Variants in MAGI3 observed in about 807,000 individuals in gnomAD.
MAGI3 encodes membrane-associated guanylate kinase, WW and PDZ domain-containing protein 3.
In MAGI3, 43 loss-of-function variants were observed where a neutral mutation model predicts 121.8. The ratio of observed to expected loss-of-function variants is 0.35; its 90% CI spans 0.28 to 0.46. The LOEUF is 0.46. Among genes scored for constraint, MAGI3 ranks in the 20% least tolerant of loss-of-function variants. The pLI is 1.00. For missense variants in MAGI3, 1,547 were observed against 1,797.3 expected, an observed-to-expected ratio of 0.86 and a Z score of 2.52; for synonymous variants, 553 against 639.3, an observed-to-expected ratio of 0.86 and a Z score of 2.04.
intron 2 of MAGI3, among the ~76,000 whole-genome samples, chr1:113,567,825 A>G (rs769043239): frequency 2.0e-5 from 3 of 152,102 alleles, no homozygotes; most frequent in Non-Finnish European, 4.4e-5. Context: ...TGGTCTTGCC[A>G]TTACTATTCA....
At position 113,390,984 on chromosome 1, in the gene MAGI3, C is replaced by T; in HGVS notation, c.-50C>T. On this transcript the variant is annotated 5_prime_UTR_variant, in exon 1 of 21. Transcript: ENST00000307546. ...CCGGGCTGAGACGGGGCCGGAGCGG[C>T]GCCCCGGCCGCCCGCGCGGGGTCTC... is the stretch of plus-strand genomic sequence containing the variant. The T allele has an allele frequency of 6.8e-7, 1 of 1,472,766 alleles. No individual in the cohort carries two copies. Among genetic ancestry groups the T allele is most frequent in the Non-Finnish European group, 9.0e-7 (1 of 1,114,478 alleles). The allele number at this position is 1,472,766 out of a possible 1,614,324, so 91.2% of individuals were successfully genotyped here. A position where few individuals can be genotyped will look rare whatever the true frequency, so the allele number is the denominator to read the frequency against.
intron 3 of MAGI3, among the ~76,000 whole-genome samples, chr1:113,583,917 T>C (rs1648202577): frequency 2.0e-5 from 3 of 152,232 alleles, no homozygotes; most frequent in Admixed American, 6.5e-5. Flanking sequence ...GTCTTCATTA[T>C]TTTAATGACA....
chr1:113,450,036 G>C, intron 1 of MAGI3: 1 of 1,556,686 alleles, frequency 6.4e-7, no homozygotes, highest in Non-Finnish European at 8.8e-7. Context: ...TGGTATTAAA[G>C]AAGATACAGA....
At chr1:113,589,741 G>C (rs967186014) in intron 4 of MAGI3, among the ~76,000 whole-genome samples, 4 of 152,002 alleles carry the variant, frequency 2.6e-5, no homozygotes, top group African/African-American at 9.7e-5. Context: ...ATATTACATA[G>C]CATCGTTTAA....
intron 1 of MAGI3, among the ~76,000 whole-genome samples, chr1:113,409,128 T>C (rs1023320063): frequency 3.9e-5 from 6 of 152,010 alleles, no homozygotes; most frequent in African/African-American, 1.4e-4. Context: ...GGTGGAAAGT[T>C]TCAAGAGGAA....
intron 1 of MAGI3, among the ~76,000 whole-genome samples, chr1:113,507,648 T>C (rs1657401417): frequency 6.6e-6 from 1 of 152,220 alleles, no homozygotes; most frequent in Non-Finnish European, 1.5e-5. Context: ...GTCTTGATTT[T>C]TGATTGACAG....
At chr1:113,565,127 G>A (rs1181007584) in intron 2 of MAGI3, among the ~76,000 whole-genome samples, 1 of 151,548 alleles carries the variant, frequency 6.6e-6, no homozygotes, top group Admixed American at 6.6e-5. Context: ...TGGGATTGCA[G>A]GTGTGAGCCA....
intron 4 of MAGI3, among the ~76,000 whole-genome samples, chr1:113,588,887 G>A (rs1648537266): frequency 6.6e-6 from 1 of 152,124 alleles, no homozygotes; most frequent in African/African-American, 2.4e-5. Flanking sequence ...AAATAGGTTG[G>A]CTGCCAAGGG....
chr1:113,661,349 A>G (rs79247801), intron 16 of MAGI3, among the ~76,000 whole-genome samples: 3,541 of 152,320 alleles, frequency 0.023, 147 homozygotes, highest in African/African-American at 0.08. Flanking sequence ...TGCTTGACAT[A>G]TATTAACTAA....
At chr1:113,656,712 C>T (rs1015906111) in intron 15 of MAGI3, among the ~76,000 whole-genome samples, 1 of 152,090 alleles carries the variant, frequency 6.6e-6, no homozygotes, top group African/African-American at 2.4e-5. Context: ...CCACCGTGCC[C>T]AGCCAGATCA....
intron 9 of MAGI3, among the ~76,000 whole-genome samples, chr1:113,632,482 A>T (rs890936367): frequency 2.0e-5 from 3 of 152,214 alleles, no homozygotes; most frequent in Non-Finnish European, 4.4e-5. Flanking sequence ...AACCTTTTAA[A>T]TAATCATATT....
chr1:113,506,415 CT>C (rs1230551360), intron 1 of MAGI3, among the ~76,000 whole-genome samples: 1,648 of 142,616 alleles, frequency 0.012, 44 homozygotes, highest in Admixed American at 0.059. Flanking sequence ...CCTCATATCC[CT>C]TTTTTTTTTT....
At chr1:113,681,560 T>A (rs1279270705) in intron 20 of MAGI3, among the ~76,000 whole-genome samples, 1 of 152,182 alleles carries the variant, frequency 6.6e-6, no homozygotes, top group African/African-American at 2.4e-5. Flanking sequence ...TTAAATTTAA[T>A]CAGAAAAAAC....
At chr1:113,576,910 C>T (rs1229526876) in intron 2 of MAGI3, 2 of 152,138 alleles carry the variant, frequency 1.3e-5, no homozygotes, top group African/African-American at 4.8e-5. Flanking sequence ...TGACTTTACA[C>T]ACCCAGGATA....
At chr1:113,540,038 G>A (rs983914967) in intron 1 of MAGI3, among the ~76,000 whole-genome samples, 2 of 151,936 alleles carry the variant, frequency 1.3e-5, no homozygotes, top group African/African-American at 2.4e-5. Flanking sequence ...GGGCTTAAGC[G>A]ATCCACCCAT....
At chr1:113,595,199 G>A (rs1269372131) in intron 6 of MAGI3, among the ~76,000 whole-genome samples, 1 of 152,094 alleles carries the variant, frequency 6.6e-6, no homozygotes, top group Non-Finnish European at 1.5e-5. Context: ...GCTATATGGG[G>A]AGCTGAAATG....
intron 1 of MAGI3, among the ~76,000 whole-genome samples, chr1:113,437,850 T>TCTC (rs1653671636): frequency 1.6e-5 from 1 of 60,882 alleles, no homozygotes; most frequent in Admixed American, 1.9e-4. Context: ...TTCTTCTTCT[T>TCTC]CTTCTTCTTC....
chr1:113,467,274 T>C (rs553925505), intron 1 of MAGI3, among the ~76,000 whole-genome samples: 1 of 152,170 alleles, frequency 6.6e-6, no homozygotes, highest in Non-Finnish European at 1.5e-5. Context: ...TTGTTATTGA[T>C]TTTTAGTTTT....
intron 1 of MAGI3, among the ~76,000 whole-genome samples, chr1:113,400,198 G>T (rs1651329277): frequency 1.3e-5 from 2 of 151,996 alleles, no homozygotes; most frequent in South Asian, 2.1e-4. Context: ...CAGAGCAGGG[G>T]TAGACAGTTG....
Sources: allele counts gnomAD v4.1 joint callset (sites outside exome capture counted in the v4.1 genomes callset), GRCh38; gene constraint gnomAD v4.1.1; transcripts MANE v1.5; gene names NCBI Gene and HGNC (gene_info 2026-07-23, HGNC 2026-07-21).